DIAPH3: variants seen among roughly 807,000 people sequenced by gnomAD.
DIAPH3 encodes diaphanous related formin 3, also known as protein diaphanous homolog 3.
Under a neutral mutation model 144.3 loss-of-function variants are expected in DIAPH3, and 117 were observed. That is an observed-to-expected ratio of 0.81 (90% CI 0.70 to 0.95). DIAPH3 has a LOEUF of 0.95. Among genes scored for constraint, DIAPH3 ranks in the 40% least tolerant of loss-of-function variants. The probability of loss-of-function intolerance (pLI) is 0.00; values close to 1 mark genes in which losing one functional copy is unlikely to be tolerated. For missense variants in DIAPH3, 1,421 were observed against 1,412.7 expected (o/e 1.01, Z -0.09); for synonymous variants, 519 against 488.9 (o/e 1.06, Z -0.81).
intron 27 of DIAPH3, among the ~76,000 whole-genome samples, chr13:59,678,258 G>A (rs1387595696): frequency 6.6e-6 from 1 of 152,034 alleles, no homozygotes; most frequent in African/African-American, 2.4e-5. Context: ...ATGGTACCAA[G>A]CTTCATTATG....
chr13:60,079,769 TTA>T (rs2057490224), intron 4 of DIAPH3, among the ~76,000 whole-genome samples: 1 of 151,988 alleles, frequency 6.6e-6, no homozygotes, highest in South Asian at 2.1e-4. Flanking sequence ...GGGAAAAATA[TTA>T]TATGTGTTAT....
intron 4 of DIAPH3, among the ~76,000 whole-genome samples, chr13:60,045,415 TAATAC>T (rs1405903726): frequency 4.6e-5 from 7 of 152,158 alleles, no homozygotes; most frequent in Non-Finnish European, 1.0e-4. Context: ...GAGAAAAAAC[TAATAC>T]AATACACTTT....
At chr13:59,973,653 T>G (rs1334110446) in intron 15 of DIAPH3, among the ~76,000 whole-genome samples, 1 of 152,068 alleles carries the variant, frequency 6.6e-6, no homozygotes, top group Non-Finnish European at 1.5e-5. Context: ...ATAGTATACC[T>G]GAGACTATTT....
At chr13:59,761,471 T>G (rs1247931101) in intron 27 of DIAPH3, among the ~76,000 whole-genome samples, 1 of 152,204 alleles carries the variant, frequency 6.6e-6, no homozygotes, top group Non-Finnish European at 1.5e-5. Context: ...TTTTCTCTAT[T>G]GCTCATTTCT....
At chr13:60,023,454 G>A (rs1428861121) in intron 5 of DIAPH3, among the ~76,000 whole-genome samples, 1 of 148,348 alleles carries the variant, frequency 6.7e-6, no homozygotes, top group Non-Finnish European at 1.5e-5. Flanking sequence ...TTTTTTTTGA[G>A]ACACAGTCTT....
Position 60,016,986 on chromosome 13 carries a change from T to A in DIAPH3, c.627-841A>T, listed in dbSNP as rs761070234. Among the ~76,000 whole-genome samples, 158 of 152,130 alleles carry A rather than the reference T, an allele frequency of 1.0e-3. 1 individual carries two copies. The highest frequency in any genetic ancestry group is 1.4e-3 in the Non-Finnish European group (95 of 68,016). Reference sequence around the variant, plus strand: ...GGCCAATAAATAATAACAATGATAATAATCTGTCACCAAAAGAATGAAGGA... The same window carrying A: ...GGCCAATAAATAATAACAATGATAAAAATCTGTCACCAAAAGAATGAAGGA... On this transcript the variant is annotated intron_variant, in intron 5 of 27. Transcript: ENST00000400324.
At chr13:59,754,599 T>G (rs555924564) in intron 27 of DIAPH3, among the ~76,000 whole-genome samples, 10 of 152,214 alleles carry the variant, frequency 6.6e-5, no homozygotes, top group Admixed American at 3.3e-4. Flanking sequence ...ATTACAAATA[T>G]AGCAAATTGA....
intron 3 of DIAPH3, among the ~76,000 whole-genome samples, chr13:60,096,951 A>T (rs1297797736): frequency 6.6e-6 from 1 of 152,092 alleles, no homozygotes; most frequent in East Asian, 1.9e-4. Context: ...TGCCCTTTAT[A>T]ATCATGTGAG....
At chr13:60,155,632 G>C (rs980716193) in intron 1 of DIAPH3, among the ~76,000 whole-genome samples, 2 of 152,126 alleles carry the variant, frequency 1.3e-5, no homozygotes, top group Non-Finnish European at 2.9e-5. Flanking sequence ...ATAAAATTTA[G>C]GTGCCTAAAG....
chr13:60,101,894 G>A lies in DIAPH3; in HGVS notation c.391-8162C>T, dbSNP rs550065747. ...CCATTTTCTTCCAATGCAGGCCACT[G>A]TTGATTCATCAATTCTTACAACATT... On this transcript the variant is annotated intron_variant, in intron 3 of 27. Transcript: ENST00000400324. 2.6e-5 allele frequency among the ~76,000 whole-genome samples: 4 copies of A among 152,204 alleles called. No homozygotes were observed. The South Asian group carries it at 6.2e-4, about 24-fold the overall frequency.
chr13:59,876,385 G>A (rs2044630268), intron 21 of DIAPH3, among the ~76,000 whole-genome samples: 1 of 152,106 alleles, frequency 6.6e-6, no homozygotes. Context: ...CAGTATCATT[G>A]CAAGAAAATA....
chr13:59,678,666 T>G (rs2032772493), intron 27 of DIAPH3, among the ~76,000 whole-genome samples: 1 of 152,196 alleles, frequency 6.6e-6, no homozygotes, highest in South Asian at 2.1e-4. Context: ...TCTGTTCGTT[T>G]AAATTCTATT....
chr13:60,035,598 C>G (rs1365939552), intron 5 of DIAPH3, among the ~76,000 whole-genome samples: 1 of 152,122 alleles, frequency 6.6e-6, no homozygotes, highest in African/African-American at 2.4e-5. Flanking sequence ...AGGACAGCCA[C>G]ATGACTTAAA....
intron 9 of DIAPH3, among the ~76,000 whole-genome samples, chr13:59,995,173 A>T (rs576812710): frequency 6.6e-6 from 1 of 151,828 alleles, no homozygotes; most frequent in African/African-American, 2.4e-5. Flanking sequence ...ATTGAGATGT[A>T]TATTAGAATC....
intron 25 of DIAPH3, among the ~76,000 whole-genome samples, chr13:59,805,664 G>C (rs1251871129): frequency 6.6e-6 from 1 of 151,686 alleles, no homozygotes; most frequent in Non-Finnish European, 1.5e-5. Context: ...GAATATTTAA[G>C]AGACCTTCAG....
chr13:60,009,110 A>G (rs1383649552), intron 8 of DIAPH3, among the ~76,000 whole-genome samples: 1 of 152,158 alleles, frequency 6.6e-6, no homozygotes, highest in Non-Finnish European at 1.5e-5. Flanking sequence ...CAACCACTGC[A>G]CTCTTATGCC....
intron 27 of DIAPH3, among the ~76,000 whole-genome samples, chr13:59,765,193 T>C (rs2139218335): frequency 6.6e-6 from 1 of 152,350 alleles, no homozygotes; most frequent in South Asian, 2.1e-4. Context: ...TCCGGTATTT[T>C]AAGTACAGTC....
rs975531299 is a variant in DIAPH3, at chr13:60,052,797, C to T, written c.496-9977G>A. Among the ~76,000 whole-genome samples, 6 of 151,348 alleles carry T rather than the reference C, an allele frequency of 4.0e-5. No homozygotes were observed. The East Asian group carries it at 1.2e-3, about 29-fold the overall frequency. On this transcript the variant is annotated intron_variant, in intron 4 of 27. Coordinates refer to ENST00000400324, the MANE Select transcript of DIAPH3 (RefSeq NM_001042517.2). Reference sequence around the variant, plus strand: ...CCAACATAGTGAAACCCCGTCTCTACTAAAAATACAAAAATTAGCCAGGTT... The same window carrying T: ...CCAACATAGTGAAACCCCGTCTCTATTAAAAATACAAAAATTAGCCAGGTT...
At chr13:60,140,825 AC>A (rs2059409963) in intron 1 of DIAPH3, among the ~76,000 whole-genome samples, 1 of 65,024 alleles carries the variant, frequency 1.5e-5, no homozygotes, top group African/African-American at 6.9e-5. Flanking sequence ...AATCTAAAAA[AC>A]ATCTAATAAA....
Sources: allele counts gnomAD v4.1 joint callset (sites outside exome capture counted in the v4.1 genomes callset), GRCh38; gene constraint gnomAD v4.1.1; transcripts MANE v1.5; gene names NCBI Gene and HGNC (gene_info 2026-07-23, HGNC 2026-07-21).